CAPN8: variants seen among roughly 807,000 people sequenced by gnomAD.
The protein encoded by CAPN8 is calpain-8.
In CAPN8, 87 loss-of-function variants were observed where a neutral mutation model predicts 80.9. That is an observed-to-expected ratio of 1.07 (90% confidence interval 0.90 to 1.28). The LOEUF is 1.28. Among genes scored for constraint, CAPN8 ranks in the 50% most tolerant of loss-of-function variants. The pLI, the probability that CAPN8 is intolerant of heterozygous loss-of-function variation, is 0.00. For missense variants in CAPN8, 757 were observed against 702.0 expected, an observed-to-expected ratio of 1.08 and a Z score of -0.89; for synonymous variants, 299 against 273.8, an observed-to-expected ratio of 1.09 and a Z score of -0.91.
At chr1:223,649,680 C>A (rs919935227) in intron 2 of CAPN8, among the ~76,000 whole-genome samples, 14 of 152,114 alleles carry the variant, frequency 9.2e-5, no homozygotes, top group Non-Finnish European at 1.8e-4. Context: ...AAAAGTGATA[C>A]TGGCAAAGGA....
At chr1:223,633,488 C>T (rs908078803) in intron 2 of CAPN8, among the ~76,000 whole-genome samples, 3 of 151,854 alleles carry the variant, frequency 2.0e-5, no homozygotes, top group Non-Finnish European at 4.4e-5. Flanking sequence ...ATGGTGAAAC[C>T]CTGTCTCTAC....
In CAPN8 at chr1:223,619,408, G is replaced by A. The variant is rs1024378067; in HGVS notation, c.1020C>T (p.Ile340=). The A allele has an allele frequency of 1.3e-6, 2 of 1,551,602 alleles. No individual in the cohort carries two copies. The highest frequency in any genetic ancestry group is 2.7e-5 in the African/African-American group (2 of 73,040). Residue 340 remains isoleucine (I), a synonymous_variant, in exon 9 of 21, where the codon ATC becomes ATT. Coordinates refer to ENST00000366872, the MANE Select transcript of CAPN8 (RefSeq NM_001143962.2). ...TCAGAGAGTCCGGGGACAGGTTGCA[G>A]ATCTCCAACCGAGAGAACTGCCTCA... ...DFVRQFSRLE[I]CNLSPDSLSS...
chr1:223,544,999 G>A (rs1320350595), intron 17 of CAPN8, 149 bp from the exon 18 acceptor site: 4 of 1,461,812 alleles, frequency 2.7e-6, no homozygotes, highest in Non-Finnish European at 2.7e-6. Flanking sequence ...TTCAGAGCAA[G>A]CATAAGAGCT....
intron 2 of CAPN8, among the ~76,000 whole-genome samples, chr1:223,640,277 C>T (rs1035197189): frequency 6.6e-6 from 1 of 152,204 alleles, no homozygotes; most frequent in Non-Finnish European, 1.5e-5. Context: ...ATAGAAAGCC[C>T]TCAATAAACC....
At chr1:223,621,315 C>T (rs1041847609) in intron 7 of CAPN8, among the ~76,000 whole-genome samples, 114 of 149,776 alleles carry the variant, frequency 7.6e-4, no homozygotes, top group Admixed American at 8.7e-4. Context: ...CTTAGAGATT[C>T]GGCACCCTCC....
chr1:223,609,542 G>C (rs1205728459), intron 11 of CAPN8, among the ~76,000 whole-genome samples, 178 bp from the exon 12 acceptor site: 2 of 152,168 alleles, frequency 1.3e-5, no homozygotes, highest in Non-Finnish European at 2.9e-5. Flanking sequence ...TGTATTTTCA[G>C]TGCCTTCTGG....
At chr1:223,643,199 G>C (rs1295934685) in intron 2 of CAPN8, among the ~76,000 whole-genome samples, 1 of 152,196 alleles carries the variant, frequency 6.6e-6, no homozygotes, top group Non-Finnish European at 1.5e-5. Flanking sequence ...AAATACACGG[G>C]ATGAGATACA....
chr1:223,642,266 C>T (rs891185192), intron 2 of CAPN8, among the ~76,000 whole-genome samples: 1 of 151,016 alleles, frequency 6.6e-6, no homozygotes, highest in Non-Finnish European at 1.5e-5. Flanking sequence ...CAAAGAGTTT[C>T]GAAGATTAGC....
intron 2 of CAPN8, among the ~76,000 whole-genome samples, chr1:223,638,102 G>T (rs950126616): frequency 1.3e-5 from 2 of 152,110 alleles, no homozygotes; most frequent in African/African-American, 4.8e-5. Flanking sequence ...GGATGGCTTT[G>T]TCTGTACTGA....
At chr1:223,663,061 C>G (rs889278439) in intron 1 of CAPN8, among the ~76,000 whole-genome samples, 4 of 152,234 alleles carry the variant, frequency 2.6e-5, no homozygotes, top group Non-Finnish European at 5.9e-5. Context: ...CACTTGAAAA[C>G]TCCAAATAGG....
Position 223,621,829 on chromosome 1 carries a change from T to C in CAPN8, c.899+986A>G, listed in dbSNP as rs183582979. On this transcript the variant is annotated intron_variant, in intron 7 of 20. Coordinates refer to ENST00000366872, the MANE Select transcript of CAPN8 (RefSeq NM_001143962.2). Reference sequence around the variant, plus strand: ...GGGCATTATTGTGACCATTTTCATTTCTGGTGGTTCTTTGTCCATGAGACT... The same window carrying C: ...GGGCATTATTGTGACCATTTTCATTCCTGGTGGTTCTTTGTCCATGAGACT... Among the ~76,000 whole-genome samples, 42 of 152,234 alleles carry C rather than the reference T, an allele frequency of 2.8e-4. 1 individual carries two copies. In the East Asian group the frequency reaches 3.5e-3, roughly 13 times the overall value.
At chr1:223,553,613 G>A (rs953444873) in intron 14 of CAPN8, among the ~76,000 whole-genome samples, 2 of 152,284 alleles carry the variant, frequency 1.3e-5, no homozygotes, top group African/African-American at 4.8e-5. Flanking sequence ...GTCAGTCAAC[G>A]CAGCAAGATA....
intron 2 of CAPN8, among the ~76,000 whole-genome samples, chr1:223,638,603 A>G (rs922152287): frequency 6.6e-5 from 10 of 152,124 alleles, no homozygotes; most frequent in African/African-American, 2.4e-4. Context: ...TGGCCTTTCC[A>G]TATTCAGGAC....
At chr1:223,617,968 G>A (rs1019699974) in intron 9 of CAPN8, 2 of 374,168 alleles carry the variant, frequency 5.3e-6, no homozygotes, top group African/African-American at 4.0e-5. Context: ...GATGGGTGAT[G>A]AAAGAAGAGA....
chr1:223,646,429 G>A (rs1658194763), intron 2 of CAPN8, among the ~76,000 whole-genome samples: 2 of 152,216 alleles, frequency 1.3e-5, no homozygotes, highest in South Asian at 4.1e-4. Context: ...TAAATGCCCA[G>A]AGCTGCCCTG....
chr1:223,544,157 G>A lies in CAPN8; in HGVS notation c.1939C>T (p.Gln647Ter). ...CACGCATACCGCAGGGCAATGGTCT[G>A]CTGCACCTGGCTGTTGAGGGTGAAA... ...AGFTLNSQVQ[Q>*]TIALRYACSK... Residue 647 changes from glutamine (Q) to a stop codon, truncating the protein, a stop_gained, in exon 19 of 21, where the codon CAG (glutamine) becomes TAG (stop). Coordinates refer to ENST00000366872, the MANE Select transcript of CAPN8 (RefSeq NM_001143962.2). LOFTEE classifies it high-confidence loss of function. The A allele has an allele frequency of 5.6e-6, 4 of 718,214 alleles. No homozygotes were observed. Among genetic ancestry groups the A allele is most frequent in the Non-Finnish European group, 1.0e-5 (4 of 385,104 alleles). 44.5% of individuals were successfully genotyped at this position (718,214 alleles called of 1,614,324 possible). A position where few individuals can be genotyped will look rare whatever the true frequency, so the allele number is the denominator to read the frequency against.
chr1:223,659,903 C>A (rs1484902181), intron 1 of CAPN8, among the ~76,000 whole-genome samples: 1 of 152,184 alleles, frequency 6.6e-6, no homozygotes, highest in African/African-American at 2.4e-5. Context: ...ATGCTCTTAA[C>A]CACTCTGTGG....
rs1656513786 is a variant in CAPN8 at position 223,543,120 on chromosome 1, G to A, written c.2076C>T (p.Leu692=). 29 of 1,551,710 alleles carry A rather than the reference G, an allele frequency of 1.9e-5. No homozygotes were observed. The highest frequency in any genetic ancestry group is 1.7e-4 in the Middle Eastern group (1 of 5,992). The part of the protein sequence containing the change: ...LDEDKDGMVQ[L]SLAEWLCCVL... ...TCAGGACATTCACCTCGGCCAGAGAGAGCTGAACCATGCCATCCTTGTCTT... is the reference window on the plus strand; with the variant it reads ...TCAGGACATTCACCTCGGCCAGAGAAAGCTGAACCATGCCATCCTTGTCTT... The change falls in exon 20 of 21, where the codon CTC becomes CTT. Residue 692 remains leucine, a synonymous_variant. Transcript: ENST00000366872.
At chr1:223,554,710 T>C (rs1207342971) in intron 13 of CAPN8, among the ~76,000 whole-genome samples, 1 of 152,198 alleles carries the variant, frequency 6.6e-6, no homozygotes, top group African/African-American at 2.4e-5. Flanking sequence ...GGAGTTCAAA[T>C]AGCAGATTGT....
Sources: allele counts gnomAD v4.1 joint callset (sites outside exome capture counted in the v4.1 genomes callset), GRCh38; gene constraint gnomAD v4.1.1; transcripts MANE v1.5; gene names NCBI Gene and HGNC (gene_info 2026-07-23, HGNC 2026-07-21).